The following TNFRSF25 variants were observed in gnomAD, a reference collection of about 807,000 sequenced individuals.
The protein encoded by TNFRSF25 is TNF receptor superfamily member 25.
Under a neutral mutation model 49.4 loss-of-function variants are expected in TNFRSF25, and 28 were observed. The observed-to-expected ratio is 0.57, with a 90% CI of 0.42 to 0.78. TNFRSF25 has a LOEUF of 0.78. Ranked by LOEUF, TNFRSF25 falls within the 30% of genes least tolerant of loss-of-function variation. The pLI is 0.00. For synonymous variants in TNFRSF25, 240 were observed against 234.2 expected, an observed-to-expected ratio of 1.02 and a Z score of -0.23; for missense variants, 531 against 581.6, an observed-to-expected ratio of 0.91 and a Z score of 0.90.
chr1:6,464,984 T>C (rs1011033285), intron 3 of TNFRSF25, 104 bp downstream of exon 3: 36 of 1,484,048 alleles, frequency 2.4e-5, no homozygotes, highest in Non-Finnish European at 3.1e-5. Context: ...CTGGCAAGGG[T>C]GGGTGCAGGA....
Position 6,462,517 on chromosome 1 carries a change from C to T in TNFRSF25, c.744+112G>A. 2 of 1,538,466 alleles carry T rather than the reference C, an allele frequency of 1.3e-6. No individual in the cohort carries two copies. The highest frequency in any genetic ancestry group is 4.5e-5 in the East Asian group (2 of 44,348). On this transcript the variant is annotated intron_variant, in intron 8 of 9. Transcript: ENST00000356876. The surrounding 1 kb of genome is among the most constrained non-coding windows in gnomAD (Gnocchi z 4.2). ...ACTGATGACTCTGCTCCCAACACCT[C>T]TGTCCACTAGGGCTACCCGGTGCTG...
intron 5 of TNFRSF25, 143 bp from the exon 6 acceptor site, chr1:6,463,270 T>A (rs1481546997): frequency 7.7e-6 from 6 of 781,614 alleles, no homozygotes; most frequent in Non-Finnish European, 1.2e-5. Flanking sequence ...TGTCATTGTG[T>A]CCCTGGTAAC....
In TNFRSF25 at chr1:6,462,554, A is replaced by C; in HGVS notation, c.744+75T>G. 7 of 1,569,726 alleles carry C rather than the reference A, an allele frequency of 4.5e-6. No homozygotes were observed. Among genetic ancestry groups the C allele is most frequent in the Non-Finnish European group, 5.2e-6 (6 of 1,159,232 alleles). On this transcript the variant is annotated intron_variant, in intron 8 of 9. Transcript: ENST00000356876. This position sits in a 1 kb window ranked among gnomAD's most constrained non-coding sequence, Gnocchi z 4.2. ...GCTACCCGGTGCTGGCCGCGTGCCA[A>C]GCTCCAGGGATCATAGTAAGGCTTG...
intron 1 of TNFRSF25, 101 bp downstream of exon 1, chr1:6,465,968 C>A: frequency 6.7e-7 from 1 of 1,495,036 alleles, no homozygotes; most frequent in Non-Finnish European, 9.0e-7. Context: ...ACCCAGCCCC[C>A]AGTGAGGCTT....
rs1644162529 is a variant in TNFRSF25, at chr1:6,461,248, T to G, written c.*186A>C. ...GAAATGTCTTCACCCCCTCTCGACA[T>G]TCGTTCGTGCTTCTTCGCCTTGGCT... is the stretch of plus-strand genomic sequence containing the variant. On this transcript the variant is annotated 3_prime_UTR_variant, in exon 10 of 10. Transcript: ENST00000356876. This position sits in a 1 kb window ranked among gnomAD's most constrained non-coding sequence, Gnocchi z 6.3. 3 of 778,992 alleles carry G rather than the reference T, an allele frequency of 3.9e-6. No homozygotes were observed. Among genetic ancestry groups the G allele is most frequent in the Non-Finnish European group, 6.8e-6 (3 of 442,942 alleles). The allele number at this position is 778,992 out of a possible 1,614,324, so 48.3% of individuals were successfully genotyped here. A position where few individuals can be genotyped will look rare whatever the true frequency, so the allele number is the denominator to read the frequency against.
rs1644149875 is a variant in TNFRSF25, at chr1:6,460,827, T to G, written c.*607A>C. 4.5e-6 allele frequency: 1 copy of G among 221,918 alleles called. No homozygotes were observed. Among genetic ancestry groups the G allele is most frequent in the Non-Finnish European group, 9.1e-6 (1 of 110,036 alleles). 13.7% of individuals were successfully genotyped at this position (221,918 alleles called of 1,614,324 possible). ...GGACCCTTTCACTGCCCCGGTGGAG[T>G]GAATAGAGGATGAGGGGCCCTGACC... On this transcript the variant is annotated 3_prime_UTR_variant, in exon 10 of 10. Transcript: ENST00000356876.
chr1:6,462,427 T>G lies in TNFRSF25; in HGVS notation c.744+202A>C, dbSNP rs1363686263. On this transcript the variant is annotated intron_variant, in intron 8 of 9. Transcript: ENST00000356876. The surrounding 1 kb of genome is among the most constrained non-coding windows in gnomAD (Gnocchi z 4.2). ...CCTTCCATTGAACTGTTAGCTCCTG[T>G]GTACGAATCTGAACTCCAGCTGACT... is the stretch of plus-strand genomic sequence containing the variant. The G allele has an allele frequency of 5.3e-6, 7 of 1,325,984 alleles. No individual in the cohort carries two copies. In the African/African-American group the frequency reaches 7.4e-5, roughly 14 times the overall value. The allele number at this position is 1,325,984 out of a possible 1,614,324, so 82.1% of individuals were successfully genotyped here. A position where few individuals can be genotyped will look rare whatever the true frequency, so the allele number is the denominator to read the frequency against.
In TNFRSF25 at chr1:6,461,712, C is replaced by G; in HGVS notation, c.976G>C (p.Ala326Pro). The G allele has an allele frequency of 6.4e-7, 1 of 1,561,776 alleles. No homozygotes were observed. Among genetic ancestry groups the G allele is most frequent in the Non-Finnish European group, 8.6e-7 (1 of 1,160,268 alleles). The change falls in exon 10 of 10, where the codon GCC (alanine) becomes CCC (proline). Residue 326 changes from alanine (A) to proline (P), a missense_variant. Ala to Pro is a conservative substitution (Grantham distance 27). Transcript: ENST00000356876. The surrounding 1 kb of genome is among the most constrained non-coding windows in gnomAD (Gnocchi z 6.3). The stretch of plus-strand genomic sequence containing the variant: ...TGCGGGCCCGGCTGCAGCATCATGG[C>G]TGGCGAGCCGGCTGGGGACTCTGGC... ...LSPESPAGSP[A>P]MMLQPGPQLY... is the part of the protein sequence containing the mutation.
rs1397939745 is a variant in TNFRSF25, at chr1:6,465,241, GT to G, written c.161-20del. On this transcript the variant is annotated intron_variant, in intron 2 of 9. Transcript: ENST00000356876. The stretch of plus-strand genomic sequence containing the variant: ...TAGTGCCCTGTGGAACCAGGCAGGG[GT>G]CAGGCAGGCAGAGGGGCTGCCCAGC... 3 of 1,599,938 alleles carry G rather than the reference GT, an allele frequency of 1.9e-6. No homozygotes were observed. The East Asian group carries it at 6.8e-5, about 36-fold the overall frequency.
Position 6,461,302 on chromosome 1 carries a change from C to T in TNFRSF25, c.*132G>A. On this transcript the variant is annotated 3_prime_UTR_variant, in exon 10 of 10. Coordinates refer to ENST00000356876, the MANE Select transcript of TNFRSF25 (RefSeq NM_003790.3). The surrounding 1 kb of genome is among the most constrained non-coding windows in gnomAD (Gnocchi z 6.3). ...GCGATAGGGGCGAGCAGGGGTGGGG[C>T]CGGCTGGTGCTGCTACGCAGGGCCG... is the stretch of plus-strand genomic sequence containing the variant. The T allele has an allele frequency of 3.4e-6, 4 of 1,191,610 alleles. No homozygotes were observed. The South Asian group carries it at 4.0e-5, about 12-fold the overall frequency. The allele number at this position is 1,191,610 out of a possible 1,614,324, so 73.8% of individuals were successfully genotyped here.
rs749164707 is a variant in TNFRSF25, at chr1:6,461,947, C to T, written c.925+47G>A. Reference sequence around the variant, plus strand: ...GTTGTGAAACCACAACTTCCCACCGCAGACAGGAGAATGGGGTCAAGGCCT... The same window carrying T: ...GTTGTGAAACCACAACTTCCCACCGTAGACAGGAGAATGGGGTCAAGGCCT... On this transcript the variant is annotated intron_variant, in intron 9 of 9. Transcript: ENST00000356876. This position sits in a 1 kb window ranked among gnomAD's most constrained non-coding sequence, Gnocchi z 6.3. 1.3e-6 allele frequency: 2 copies of T among 1,556,424 alleles called. No homozygotes were observed. The highest frequency in any genetic ancestry group is 4.5e-5 in the East Asian group (2 of 44,412).
In TNFRSF25 at chr1:6,463,085, A is replaced by G; in HGVS notation, c.585T>C (p.Cys195=). 2 of 1,551,840 alleles carry G rather than the reference A, an allele frequency of 1.3e-6. No individual in the cohort carries two copies. Among genetic ancestry groups the G allele is most frequent in the Non-Finnish European group, 1.7e-6 (2 of 1,147,090 alleles). The part of the protein sequence containing the change: ...GSCPERCAAV[C]GWRQMFWVQV... ...CACACCACCTACTCTGCCTCCAGCCACAGACAGCGGCACAGCGCTCTGGAC... is the reference window on the plus strand; with the variant it reads ...CACACCACCTACTCTGCCTCCAGCCGCAGACAGCGGCACAGCGCTCTGGAC... The change falls in exon 6 of 10, where the codon TGT becomes TGC. Residue 195 remains cysteine (C), a synonymous_variant. Coordinates refer to ENST00000356876, the MANE Select transcript of TNFRSF25 (RefSeq NM_003790.3).
At position 6,461,175 on chromosome 1, in the gene TNFRSF25, C is replaced by T. The variant is rs1301781455; in HGVS notation, c.*259G>A. The T allele has an allele frequency of 4.3e-6, 3 of 701,338 alleles. No homozygotes were observed. Among genetic ancestry groups the T allele is most frequent in the Non-Finnish European group, 8.0e-6 (3 of 376,816 alleles). 43.4% of individuals were successfully genotyped at this position (701,338 alleles called of 1,614,324 possible). ...GTTTTTGTTTTGTTTTGTTTTCTTT[C>T]ACAGATTTAATACCGCGATCTCAGC... On this transcript the variant is annotated 3_prime_UTR_variant, in exon 10 of 10. Coordinates refer to ENST00000356876, the MANE Select transcript of TNFRSF25 (RefSeq NM_003790.3). The surrounding 1 kb of genome is among the most constrained non-coding windows in gnomAD (Gnocchi z 6.3).
At chr1:6,465,811 GC>G in intron 1 of TNFRSF25, 1 of 1,422,302 alleles carries the variant, frequency 7.0e-7, no homozygotes, top group Non-Finnish European at 9.1e-7. Flanking sequence ...ATCCAGCAGC[GC>G]CCCCACCCCC....
chr1:6,463,546 G>GA (rs1174236498), intron 5 of TNFRSF25: 1 of 181,580 alleles, frequency 5.5e-6, no homozygotes, highest in African/African-American at 2.4e-5. Context: ...CTAACACGGT[G>GA]AAACCCCGTC....
rs751592065 is a variant in TNFRSF25, at chr1:6,465,491, C to G, written c.109G>C (p.Gly37Arg). Reference protein sequence around the residue: ...GTRSPRCDCAGDFHKKIGLFC... With the variant: ...GTRSPRCDCARDFHKKIGLFC... ...AGACCAATCTTCTTGTGGAAGTCAC[C>G]GGCACAGTCACACCTGGGGCTACGA... The change falls in exon 2 of 10, where the codon GGT becomes CGT. Residue 37 changes from glycine (G) to arginine (R), a missense_variant. Transcript: ENST00000356876. 1.9e-6 allele frequency: 3 copies of G among 1,613,856 alleles called. No individual in the cohort carries two copies. Among genetic ancestry groups the G allele is most frequent in the East Asian group, 2.2e-5 (1 of 44,880 alleles).
chr1:6,461,845 C>G lies in TNFRSF25; in HGVS notation c.926-83G>C. On this transcript the variant is annotated intron_variant, in intron 9 of 9. Transcript: ENST00000356876. This position sits in a 1 kb window ranked among gnomAD's most constrained non-coding sequence, Gnocchi z 6.3. ...GTCAGGGGCGTTCGTGCGGGTACCC[C>G]AGGGCTGAAGCCCGCTGGATCCGGT... The G allele has an allele frequency of 6.9e-7, 1 of 1,454,914 alleles. No homozygotes were observed. Among genetic ancestry groups the G allele is most frequent in the South Asian group, 1.4e-5 (1 of 71,988 alleles). The allele number at this position is 1,454,914 out of a possible 1,614,324, so 90.1% of individuals were successfully genotyped here.
intron 2 of TNFRSF25, 72 bp downstream of exon 2, chr1:6,465,368 A>G: frequency 1.9e-6 from 3 of 1,585,956 alleles, no homozygotes; most frequent in East Asian, 2.3e-5. Flanking sequence ...GCCTCCTCTT[A>G]CCTCCCGGGC....
chr1:6,465,311 C>T, intron 2 of TNFRSF25, 89 bp from the exon 3 acceptor site: 1 of 1,167,622 alleles, frequency 8.6e-7, no homozygotes, highest in South Asian at 1.3e-5. Flanking sequence ...CCCTCTTTCT[C>T]TCCAGCTCCC....
Sources: gnomAD v4.1 joint callset for allele counts on GRCh38, gnomAD v4.1.1 for gene constraint, Gnocchi (gnomAD v3.1) non-coding constraint, MANE v1.5 for transcripts, NCBI Gene and HGNC (gene_info 2026-07-23, HGNC 2026-07-21) for gene names.